The following SMYD3 variants were observed in gnomAD, a reference collection of about 807,000 sequenced individuals.
The protein encoded by SMYD3 is histone-lysine N-methyltransferase SMYD3.
In SMYD3, 36 loss-of-function variants were observed where a neutral mutation model predicts 57.7. The ratio of observed to expected loss-of-function variants is 0.62; its 90% CI spans 0.48 to 0.82. SMYD3 has a LOEUF of 0.82. Ranked by LOEUF, SMYD3 falls within the 40% of genes least tolerant of loss-of-function variation. SMYD3 has a pLI of 0.00. For missense variants in SMYD3, 515 were observed against 538.8 expected (o/e 0.96, Z 0.44); for synonymous variants, 211 against 195.0 (o/e 1.08, Z -0.68).
At chr1:246,080,996 CT>C (rs2060629253) in intron 5 of SMYD3, among the ~76,000 whole-genome samples, 1 of 152,124 alleles carries the variant, frequency 6.6e-6, no homozygotes, top group Admixed American at 6.5e-5. Context: ...AAGCAAAGCC[CT>C]TCTGAAAGAA....
chr1:246,085,886 A>G (rs2787987), intron 5 of SMYD3, among the ~76,000 whole-genome samples: 124,595 of 151,986 alleles, frequency 0.82, 51,552 homozygotes, highest in Admixed American at 0.88. Context: ...ACCTTAAAGG[A>G]TTTGATAATT....
chr1:246,167,917 C>A (rs556494671), intron 5 of SMYD3, among the ~76,000 whole-genome samples: 33 of 152,318 alleles, frequency 2.2e-4, no homozygotes, highest in African/African-American at 7.9e-4. Flanking sequence ...GTCTATTCAA[C>A]TCCTTTGCTC....
intron 5 of SMYD3, among the ~76,000 whole-genome samples, chr1:246,269,781 C>T (rs762449993): frequency 3.9e-5 from 6 of 152,214 alleles, no homozygotes; most frequent in Non-Finnish European, 8.8e-5. Flanking sequence ...CTACGTTGCC[C>T]AGGCTGGTCT....
chr1:246,346,592 G>GC lies in SMYD3; in HGVS notation c.228+8438dup, dbSNP rs539604980. ...TCATATGGCAGCAGGATGGAGAAGTGCCCAGCAAAGCAGGAAGCCCCTTAT... is the reference window on the plus strand; with the variant it reads ...TCATATGGCAGCAGGATGGAGAAGTGCCCCAGCAAAGCAGGAAGCCCCTTAT... On this transcript the variant is annotated intron_variant, in intron 2 of 11. Coordinates refer to ENST00000490107, the MANE Select transcript of SMYD3 (RefSeq NM_001167740.2). 6.1e-3 allele frequency among the ~76,000 whole-genome samples: 931 copies of GC among 152,206 alleles called. 11 individuals carry two copies. Among genetic ancestry groups the GC allele is most frequent in the African/African-American group, 0.021 (887 of 41,520 alleles).
At chr1:246,471,564 A>C (rs1196922168) in intron 1 of SMYD3, among the ~76,000 whole-genome samples, 1 of 152,190 alleles carries the variant, frequency 6.6e-6, no homozygotes, top group African/African-American at 2.4e-5. Flanking sequence ...AAGGTAACAA[A>C]ATAAACTTTC....
intron 8 of SMYD3, among the ~76,000 whole-genome samples, chr1:245,893,655 A>G (rs2148589935): frequency 6.6e-6 from 1 of 152,322 alleles, no homozygotes; most frequent in East Asian, 1.9e-4. Context: ...TAGTGACAGA[A>G]AGAAGATTTG....
chr1:246,201,188 G>T (rs1325678501), intron 5 of SMYD3, among the ~76,000 whole-genome samples: 1 of 152,160 alleles, frequency 6.6e-6, no homozygotes, highest in Non-Finnish European at 1.5e-5. Flanking sequence ...ACAAGCTCAA[G>T]ATTCCCCTCT....
intron 8 of SMYD3, among the ~76,000 whole-genome samples, chr1:245,908,430 T>C (rs1008839410): frequency 2.0e-5 from 3 of 152,222 alleles, no homozygotes; most frequent in African/African-American, 7.2e-5. Flanking sequence ...GGACAGATCA[T>C]CTAGACAGAA....
intron 5 of SMYD3, among the ~76,000 whole-genome samples, chr1:246,207,117 C>G (rs898588484): frequency 6.6e-6 from 1 of 152,040 alleles, no homozygotes; most frequent in African/African-American, 2.4e-5. Context: ...TGAGTAGTCA[C>G]TTCTATAAAG....
intron 5 of SMYD3, among the ~76,000 whole-genome samples, chr1:246,118,902 C>CTTAAGGATGA (rs1558244779): frequency 1.3e-5 from 2 of 150,930 alleles, no homozygotes; most frequent in Non-Finnish European, 3.0e-5. Flanking sequence ...CGTGCAGGAC[C>CTTAAGGATGA]TTAAGGATGA....
At chr1:245,848,745 TGGTGGCTCAAGAGCCAAGCAA>T (rs1015780866) in intron 10 of SMYD3, among the ~76,000 whole-genome samples, 24 of 152,202 alleles carry the variant, frequency 1.6e-4, no homozygotes, top group Middle Eastern at 3.4e-3. Context: ...TGGCCTGGGT[TGGTGGCTCAAGAGCCAAGCAA>T]GGTAGACGGG....
intron 1 of SMYD3, among the ~76,000 whole-genome samples, chr1:246,456,249 G>T (rs2067698023): frequency 6.6e-6 from 1 of 152,126 alleles, no homozygotes; most frequent in Non-Finnish European, 1.5e-5. Context: ...TGCTCCGATT[G>T]TCAACCCTGG....
chr1:246,206,153 G>A (rs537516986), intron 5 of SMYD3, among the ~76,000 whole-genome samples: 1 of 152,002 alleles, frequency 6.6e-6, no homozygotes, highest in East Asian at 1.9e-4. Context: ...AGGGAAAAAA[G>A]AGTAGTCTTA....
intron 5 of SMYD3, among the ~76,000 whole-genome samples, chr1:245,950,701 G>A (rs1216186293): frequency 1.3e-5 from 2 of 152,208 alleles, no homozygotes; most frequent in East Asian, 3.8e-4. Flanking sequence ...CACTGCTTAT[G>A]CCAAGTCAGT....
At chr1:246,506,996 C>CCCCCCCCCCA in intron 1 of SMYD3, 58 bp downstream of exon 1, 1 of 815,826 alleles carries the variant, frequency 1.2e-6, no homozygotes, top group Non-Finnish European at 1.7e-6. Flanking sequence ...GACGCCCCCC[C>CCCCCCCCCCA]CTCCCCAGCA....
At chr1:245,946,823 T>TA (rs1475709362) in intron 5 of SMYD3, among the ~76,000 whole-genome samples, 1 of 152,138 alleles carries the variant, frequency 6.6e-6, no homozygotes, top group African/African-American at 2.4e-5. Flanking sequence ...ATGTTGCTAT[T>TA]ATTTCACCGC....
intron 10 of SMYD3, among the ~76,000 whole-genome samples, chr1:245,789,282 C>T (rs894371571): frequency 5.3e-5 from 8 of 152,154 alleles, no homozygotes; most frequent in Non-Finnish European, 8.8e-5. Flanking sequence ...TAGCTCCTCA[C>T]GTATAAATGG....
intron 5 of SMYD3, among the ~76,000 whole-genome samples, chr1:246,312,959 G>C (rs2065103416): frequency 6.6e-6 from 1 of 152,066 alleles, no homozygotes; most frequent in African/African-American, 2.4e-5. Flanking sequence ...CTATTACCCA[G>C]GCTGCAATGC....
chr1:246,361,476 CAA>C (rs1001690033), intron 1 of SMYD3, among the ~76,000 whole-genome samples: 3 of 152,114 alleles, frequency 2.0e-5, no homozygotes, highest in African/African-American at 7.2e-5. Context: ...AGTCATTATA[CAA>C]AAAAGATACC....
Sources: gnomAD v4.1 joint callset for allele counts (sites outside exome capture counted in the v4.1 genomes callset) on GRCh38, gnomAD v4.1.1 for gene constraint, MANE v1.5 for transcripts, NCBI Gene and HGNC (gene_info 2026-07-23, HGNC 2026-07-21) for gene names.